HEMK2: variants seen among roughly 807,000 people sequenced by gnomAD.
HEMK2 encodes the protein HemK methyltransferase 2, ETF1 glutamine and histone H4 lysine, also known as methyltransferase HEMK2.
chr21:28,754,214 A>T, the HEMK2 span, among the ~76,000 whole-genome samples: 1 of 151,936 alleles, frequency 6.6e-6, no homozygotes, highest in Admixed American at 6.6e-5. Context: ...GAGTGAAGAG[A>T]AGAATGGAAG....
At chr21:28,820,837 G>C in the HEMK2 span, among the ~76,000 whole-genome samples, 3 of 152,158 alleles carry the variant, frequency 2.0e-5, no homozygotes, top group Non-Finnish European at 4.4e-5. Flanking sequence ...ATGTGGGGAA[G>C]CTGAAATGCA....
chr21:28,646,791 G>C, the HEMK2 span, among the ~76,000 whole-genome samples: 1 of 152,144 alleles, frequency 6.6e-6, no homozygotes, highest in African/African-American at 2.4e-5. Flanking sequence ...CTCTCCATTT[G>C]GCATGAGCTT....
chr21:28,710,994 T>C, the HEMK2 span, among the ~76,000 whole-genome samples: 1 of 152,162 alleles, frequency 6.6e-6, no homozygotes, highest in African/African-American at 2.4e-5. Flanking sequence ...GGCACCTATA[T>C]GCTAAAAGTT....
At chr21:28,809,227 T>A in the HEMK2 span, among the ~76,000 whole-genome samples, 1 of 152,042 alleles carries the variant, frequency 6.6e-6, no homozygotes, top group Non-Finnish European at 1.5e-5. Context: ...GTAGGAAAGA[T>A]AGAGGCATAA....
chr21:28,722,731 A>T, the HEMK2 span, among the ~76,000 whole-genome samples: 3 of 152,104 alleles, frequency 2.0e-5, no homozygotes, highest in Admixed American at 2.0e-4. Flanking sequence ...AAAATACAAA[A>T]AAATTAGCCG....
the HEMK2 span, chr21:28,875,002 C>T: frequency 6.6e-6 from 1 of 152,344 alleles, no homozygotes; most frequent in Middle Eastern, 3.4e-3. Context: ...AGGGTGGTAC[C>T]TGCATATCAT....
At chr21:28,670,021 C>T in the HEMK2 span, among the ~76,000 whole-genome samples, 37 of 151,580 alleles carry the variant, frequency 2.4e-4, no homozygotes, top group Non-Finnish European at 4.4e-4. Context: ...ACCTGAAGAA[C>T]GAAGCATATG....
the HEMK2 span, among the ~76,000 whole-genome samples, chr21:28,748,921 C>A: frequency 2.0e-5 from 3 of 152,138 alleles, no homozygotes; most frequent in African/African-American, 7.2e-5. Flanking sequence ...CATATTTGAG[C>A]AAATTGATCT....
At chr21:28,831,465 A>AAGAG in the HEMK2 span, among the ~76,000 whole-genome samples, 2 of 21,902 alleles carry the variant, frequency 9.1e-5, no homozygotes, top group Non-Finnish European at 1.5e-4. Context: ...AAAAGAACGA[A>AAGAG]AGAAAGAAAG....
chr21:28,591,726 A>G, the HEMK2 span, among the ~76,000 whole-genome samples: 2 of 152,072 alleles, frequency 1.3e-5, no homozygotes, highest in East Asian at 3.9e-4. Flanking sequence ...GGTAGGCTCC[A>G]GTGTCTGTTG....
the HEMK2 span, among the ~76,000 whole-genome samples, chr21:28,728,358 A>G: frequency 6.6e-6 from 1 of 152,208 alleles, no homozygotes; most frequent in Admixed American, 6.5e-5. Context: ...GGCCCAAAGG[A>G]AATTGACAGG....
chr21:28,839,008 T>TACAC, the HEMK2 span, among the ~76,000 whole-genome samples: 1 of 72,762 alleles, frequency 1.4e-5, no homozygotes, highest in Non-Finnish European at 2.4e-5. Flanking sequence ...TATACATATA[T>TACAC]ATACACAATC....
At chr21:28,853,474 T>C in the HEMK2 span, among the ~76,000 whole-genome samples, 3 of 152,234 alleles carry the variant, frequency 2.0e-5, no homozygotes, top group African/African-American at 4.8e-5. Context: ...TTTCTGTTTA[T>C]ATAAATTAGA....
chr21:28,884,779 G>C, the HEMK2 span, among the ~76,000 whole-genome samples: 2 of 152,166 alleles, frequency 1.3e-5, no homozygotes, highest in South Asian at 2.1e-4. Flanking sequence ...TTTCATGTTT[G>C]TTAAGGGTGC....
the HEMK2 span, among the ~76,000 whole-genome samples, chr21:28,660,548 GTGA>G: frequency 1.3e-5 from 2 of 151,160 alleles, no homozygotes; most frequent in Admixed American, 1.3e-4. Flanking sequence ...GTTTTTTAAT[GTGA>G]TGGACTACAT....
the HEMK2 span, among the ~76,000 whole-genome samples, chr21:28,736,661 A>G: frequency 6.6e-6 from 1 of 152,106 alleles, no homozygotes; most frequent in African/African-American, 2.4e-5. Flanking sequence ...GCTACTCAGG[A>G]GGCTGTGGCA....
At chr21:28,832,802 G>C in the HEMK2 span, among the ~76,000 whole-genome samples, 1 of 152,176 alleles carries the variant, frequency 6.6e-6, no homozygotes, top group African/African-American at 2.4e-5. Flanking sequence ...GTATTGATAC[G>C]TATGTTCAAA....
the HEMK2 span, among the ~76,000 whole-genome samples, chr21:28,751,012 C>T: frequency 3.9e-5 from 6 of 152,046 alleles, no homozygotes; most frequent in East Asian, 1.9e-4. Flanking sequence ...GGGCGGATCA[C>T]AAGGTCCAGG....
the HEMK2 span, among the ~76,000 whole-genome samples, chr21:28,860,445 T>C: frequency 0.11 from 16,159 of 149,464 alleles, 1,311 homozygotes; most frequent in African/African-American, 0.22. Context: ...AACTCCCCTT[T>C]ATATATACAA....
Sources: allele counts gnomAD v4.1 joint callset (sites outside exome capture counted in the v4.1 genomes callset), GRCh38; gene constraint gnomAD v4.1.1; transcripts MANE v1.5; gene names NCBI Gene and HGNC (gene_info 2026-07-23, HGNC 2026-07-21).